The following EVA1A variants were observed in gnomAD, a reference collection of about 807,000 sequenced individuals.
The protein encoded by EVA1A is eva-1 homolog A, regulator of programmed cell death.
Under a neutral mutation model 9.8 loss-of-function variants are expected in EVA1A, and 7 were observed. The ratio of observed to expected loss-of-function variants is 0.71; its 90% CI spans 0.41 to 1.34. The LOEUF is 1.34. Ranked by LOEUF, EVA1A falls within the 40% of genes most tolerant of loss-of-function variation. The pLI, the probability that EVA1A is intolerant of heterozygous loss-of-function variation, is 0.01. For missense variants in EVA1A, 206 were observed against 205.9 expected, an observed-to-expected ratio of 1.00 and a Z score of 0.00; for synonymous variants, 90 against 85.6, an observed-to-expected ratio of 1.05 and a Z score of -0.28.
chr2:75,508,460 A>G lies in EVA1A; in HGVS notation c.85+9596T>C, dbSNP rs528808956. On this transcript the variant is annotated intron_variant, in intron 3 of 3. Coordinates refer to ENST00000393913, the MANE Select transcript of EVA1A (RefSeq NM_001135032.2). ...AGTCTCCTATAGCACTCCCAGGCTT[A>G]TTAGGAAAAGGAAAATTCCTGCCTA... Among the ~76,000 whole-genome samples the G allele has an allele frequency of 1.5e-3, 232 of 152,286 alleles. 1 individual carries two copies. Among genetic ancestry groups the G allele is most frequent in the African/African-American group, 5.4e-3 (223 of 41,562 alleles).
chr2:75,552,955 C>T (rs1368594960), intron 1 of EVA1A, among the ~76,000 whole-genome samples: 1 of 152,214 alleles, frequency 6.6e-6, no homozygotes, highest in African/African-American at 2.4e-5. Flanking sequence ...GACCCAGTCT[C>T]TCCTCTGTGT....
chr2:75,499,022 A>G (rs1268738783), intron 3 of EVA1A, among the ~76,000 whole-genome samples: 3 of 152,208 alleles, frequency 2.0e-5, no homozygotes, highest in Non-Finnish European at 4.4e-5. Context: ...TAACATGCAC[A>G]ATGTGTATAA....
In EVA1A at chr2:75,498,897, T is replaced by C. The variant is rs373743886; in HGVS notation, c.86-5288A>G. Among the ~76,000 whole-genome samples, 281 of 152,124 alleles carry C rather than the reference T, an allele frequency of 1.8e-3. 6 individuals carry two copies. The highest frequency in any genetic ancestry group is 6.6e-3 in the African/African-American group (272 of 41,492). On this transcript the variant is annotated intron_variant, in intron 3 of 3. Transcript: ENST00000393913. ...ATGCTATGGGATCACATCAAAGGCC[T>C]CACCTTTATCTTTAGATTTATATTT... is the stretch of plus-strand genomic sequence containing the variant.
chr2:75,555,773 C>A (rs1676689531), intron 1 of EVA1A, among the ~76,000 whole-genome samples: 1 of 152,194 alleles, frequency 6.6e-6, no homozygotes, highest in African/African-American at 2.4e-5. Context: ...CATCTCTGCC[C>A]TCCAGTCCCC....
At chr2:75,504,438 A>G (rs933170017) in intron 3 of EVA1A, among the ~76,000 whole-genome samples, 1 of 151,848 alleles carries the variant, frequency 6.6e-6, no homozygotes, top group African/African-American at 2.4e-5. Flanking sequence ...AACAAACAAA[A>G]TATCTTTATG....
At chr2:75,553,659 C>T (rs1038799567) in intron 1 of EVA1A, among the ~76,000 whole-genome samples, 4 of 152,210 alleles carry the variant, frequency 2.6e-5, no homozygotes, top group African/African-American at 9.6e-5. Context: ...AACACTTTTA[C>T]TTTCATGTGT....
intron 1 of EVA1A, among the ~76,000 whole-genome samples, chr2:75,523,906 T>C (rs78216950): frequency 0.024 from 3,702 of 152,238 alleles, 143 homozygotes; most frequent in African/African-American, 0.085. Flanking sequence ...AATCTCATCT[T>C]GTAATATAGT....
chr2:75,536,472 C>A (rs777220308), intron 1 of EVA1A, among the ~76,000 whole-genome samples: 1 of 152,004 alleles, frequency 6.6e-6, no homozygotes, highest in African/African-American at 2.4e-5. Context: ...ACATTGATAT[C>A]TATTAAGTCT....
intron 2 of EVA1A, chr2:75,518,576 T>C (rs920321538): frequency 1.1e-5 from 11 of 990,800 alleles, no homozygotes; most frequent in Middle Eastern, 1.0e-3. Context: ...ATCCCTGATT[T>C]TCCTGACCTT....
At chr2:75,543,221 C>T (rs1389378267) in intron 1 of EVA1A, among the ~76,000 whole-genome samples, 1 of 152,122 alleles carries the variant, frequency 6.6e-6, no homozygotes, top group Non-Finnish European at 1.5e-5. Flanking sequence ...TGCTGACAGA[C>T]TTGTGGATCC....
rs988921547 is a variant in EVA1A at position 75,518,573 on chromosome 2, A to G, written c.-68-365T>C. 1.4e-5 allele frequency: 14 copies of G among 989,710 alleles called. No homozygotes were observed. The Admixed American group carries it at 4.5e-4, about 32-fold the overall frequency. 61.3% of individuals were successfully genotyped at this position (989,710 alleles called of 1,614,324 possible). ...GAAGTAGAAACTCCTTACATCCCTG[A>G]TTTTCCTGACCTTTCTCCTTTCTCT... On this transcript the variant is annotated intron_variant, in intron 2 of 3. Transcript: ENST00000393913.
At chr2:75,495,329 A>G (rs1674172277) in intron 3 of EVA1A, among the ~76,000 whole-genome samples, 1 of 152,150 alleles carries the variant, frequency 6.6e-6, no homozygotes, top group Admixed American at 6.5e-5. Flanking sequence ...AGAGGGAGTC[A>G]TGGGGCATTT....
intron 1 of EVA1A, among the ~76,000 whole-genome samples, chr2:75,559,407 A>G (rs1676834885): frequency 6.6e-6 from 1 of 152,230 alleles, no homozygotes; most frequent in Admixed American, 6.5e-5. Context: ...GGAAGGCCCC[A>G]GCCAGGATTC....
intron 1 of EVA1A, among the ~76,000 whole-genome samples, chr2:75,554,743 C>T (rs529837625): frequency 6.6e-6 from 1 of 152,044 alleles, no homozygotes; most frequent in Non-Finnish European, 1.5e-5. Context: ...TGGCACCCAC[C>T]CCAGGTTATA....
At chr2:75,547,708 A>T (rs1676381765) in intron 1 of EVA1A, among the ~76,000 whole-genome samples, 1 of 152,106 alleles carries the variant, frequency 6.6e-6, no homozygotes, top group Non-Finnish European at 1.5e-5. Flanking sequence ...TCCCTTCCTT[A>T]AGTTCCCTGA....
chr2:75,548,263 G>A lies in EVA1A; in HGVS notation c.-192+12417C>T, dbSNP rs147715381. ...TTCTCCCACTTCAGCCTCCCAAACA[G>A]CTAGAATTACAGGCTCACATCACCA... is the stretch of plus-strand genomic sequence containing the variant. On this transcript the variant is annotated intron_variant, in intron 1 of 3. Transcript: ENST00000393913. Among the ~76,000 whole-genome samples the A allele has an allele frequency of 5.8e-3, 886 of 152,326 alleles. 12 individuals are homozygous for A. Among genetic ancestry groups the A allele is most frequent in the African/African-American group, 0.02 (846 of 41,568 alleles).
rs1160511165 is a variant in EVA1A at position 75,493,931 on chromosome 2, G to C, written c.86-322C>G. Among the ~76,000 whole-genome samples, 3 of 152,212 alleles carry C rather than the reference G, an allele frequency of 2.0e-5. No individual in the cohort carries two copies. In the East Asian group the frequency reaches 5.8e-4, roughly 29 times the overall value. On this transcript the variant is annotated intron_variant, in intron 3 of 3. Transcript: ENST00000393913. ...AAGCAGCCGTGCTTAGGTGTCATTT[G>C]TTTAAGAGATGTATCTATCTAAAGC...
intron 1 of EVA1A, among the ~76,000 whole-genome samples, chr2:75,538,379 C>T (rs990385574): frequency 6.6e-6 from 1 of 152,156 alleles, no homozygotes; most frequent in Non-Finnish European, 1.5e-5. Flanking sequence ...AACTGTATTT[C>T]CATATACTAA....
chr2:75,557,944 T>C (rs1676777666), intron 1 of EVA1A, among the ~76,000 whole-genome samples: 1 of 152,244 alleles, frequency 6.6e-6, no homozygotes. Flanking sequence ...ACTGAGCACT[T>C]ATTATATGCC....
Sources: gnomAD v4.1 joint callset for allele counts (sites outside exome capture counted in the v4.1 genomes callset) on GRCh38, gnomAD v4.1.1 for gene constraint, MANE v1.5 for transcripts, NCBI Gene and HGNC (gene_info 2026-07-23, HGNC 2026-07-21) for gene names.